PDSS2: variants seen among roughly 807,000 people sequenced by gnomAD.
PDSS2 encodes the protein all trans-polyprenyl-diphosphate synthase PDSS2.
In PDSS2, 31 loss-of-function variants were observed where a neutral mutation model predicts 44.5. That is an observed-to-expected ratio of 0.70 (90% CI 0.52 to 0.94). The LOEUF (loss-of-function observed/expected upper bound fraction) is 0.94. Ranked by LOEUF, PDSS2 falls within the 40% of genes least tolerant of loss-of-function variation. The probability of loss-of-function intolerance (pLI) is 0.00; values close to 1 mark genes in which losing one functional copy is unlikely to be tolerated. For missense variants in PDSS2, 452 were observed against 482.2 expected (o/e 0.94, Z 0.59); for synonymous variants, 157 against 180.3 (o/e 0.87, Z 1.03).
chr6:107,396,999 T>C (rs567176275), intron 1 of PDSS2, among the ~76,000 whole-genome samples: 4 of 152,076 alleles, frequency 2.6e-5, no homozygotes, highest in Non-Finnish European at 5.9e-5. Flanking sequence ...TCCTTTGCCC[T>C]CTCCTCTGTT....
At chr6:107,454,053 T>TC (rs1211580462) in intron 1 of PDSS2, among the ~76,000 whole-genome samples, 1 of 151,344 alleles carries the variant, frequency 6.6e-6, no homozygotes, top group Non-Finnish European at 1.5e-5. Flanking sequence ...ACTTCTTTTT[T>TC]TTTTTTTTTT....
chr6:107,248,484 A>C (rs1261481662), intron 3 of PDSS2, among the ~76,000 whole-genome samples: 1 of 147,644 alleles, frequency 6.8e-6, no homozygotes, highest in Non-Finnish European at 1.5e-5. Context: ...AATGTGAGTT[A>C]CCCTTGGAAG....
At chr6:107,194,224 ACTT>A (rs1772478279) in intron 6 of PDSS2, among the ~76,000 whole-genome samples, 1 of 152,164 alleles carries the variant, frequency 6.6e-6, no homozygotes. Context: ...CTATATTCAA[ACTT>A]CTTCAACTGT....
intron 4 of PDSS2, among the ~76,000 whole-genome samples, chr6:107,219,078 TA>T (rs949658821): frequency 4.3e-4 from 65 of 151,076 alleles, no homozygotes; most frequent in Admixed American, 1.7e-3. Flanking sequence ...AAAAATTAAT[TA>T]AAAAAAAATT....
intron 1 of PDSS2, among the ~76,000 whole-genome samples, chr6:107,437,525 CAAAAAAAAAAAAA>C (rs60133518): frequency 2.4e-5 from 3 of 126,718 alleles, no homozygotes; most frequent in South Asian, 3.0e-4. Context: ...ACCCTGTCTC[CAAAAAAAAAAAAA>C]AAAAAAAAAA....
At chr6:107,359,440 T>A (rs1031097385) in intron 1 of PDSS2, among the ~76,000 whole-genome samples, 10 of 151,502 alleles carry the variant, frequency 6.6e-5, no homozygotes, top group African/African-American at 2.4e-4. Flanking sequence ...CTTGCCAACA[T>A]GGTGAAACCC....
chr6:107,443,692 C>G (rs2114817509), intron 1 of PDSS2, among the ~76,000 whole-genome samples: 1 of 152,288 alleles, frequency 6.6e-6, no homozygotes, highest in Non-Finnish European at 1.5e-5. Context: ...ACAATTTTTC[C>G]TAGACTTTGC....
rs572960785 is a variant in PDSS2 at position 107,259,389 on chromosome 6, G to A, written c.631-13770C>T. On this transcript the variant is annotated intron_variant, in intron 3 of 7. Coordinates refer to ENST00000369037, the MANE Select transcript of PDSS2 (RefSeq NM_020381.4). ...AACAAAAGAAAAAATGAGGCCAGGC[G>A]TGGTGGCTCACATCAGAAATCCCAG... 6.6e-4 allele frequency among the ~76,000 whole-genome samples: 101 copies of A among 152,224 alleles called. 1 individual carries two copies. The highest frequency in any genetic ancestry group is 5.0e-3 in the Admixed American group (77 of 15,280).
At chr6:107,439,373 T>G (rs879655434) in intron 1 of PDSS2, among the ~76,000 whole-genome samples, 3 of 152,224 alleles carry the variant, frequency 2.0e-5, no homozygotes, top group Non-Finnish European at 2.9e-5. Flanking sequence ...ATTGGATGCA[T>G]TTAACTCTAA....
intron 2 of PDSS2, among the ~76,000 whole-genome samples, chr6:107,306,385 A>G (rs1207672737): frequency 6.6e-6 from 1 of 152,174 alleles, no homozygotes; most frequent in Non-Finnish European, 1.5e-5. Context: ...GCTGCCATCA[A>G]TGTAAGATGT....
chr6:107,248,116 T>C (rs1429801565), intron 3 of PDSS2, among the ~76,000 whole-genome samples: 2 of 152,184 alleles, frequency 1.3e-5, no homozygotes, highest in East Asian at 3.9e-4. Context: ...ACTCACAATT[T>C]AGTAAGCTCA....
intron 1 of PDSS2, among the ~76,000 whole-genome samples, chr6:107,352,863 C>T (rs879467000): frequency 1.3e-5 from 2 of 152,090 alleles, no homozygotes; most frequent in Non-Finnish European, 2.9e-5. Context: ...CCTGATAGGC[C>T]TCCCCCTCCC....
chr6:107,261,141 C>T (rs1354099423), intron 3 of PDSS2, among the ~76,000 whole-genome samples: 1 of 152,202 alleles, frequency 6.6e-6, no homozygotes, highest in Non-Finnish European at 1.5e-5. Flanking sequence ...TTCCTGCCTT[C>T]GCATCTGCAG....
At chr6:107,365,701 T>A (rs1778940018) in intron 1 of PDSS2, among the ~76,000 whole-genome samples, 1 of 152,094 alleles carries the variant, frequency 6.6e-6, no homozygotes, top group South Asian at 2.1e-4. Context: ...ATGCAAACAG[T>A]CACCACAATA....
At chr6:107,427,301 C>G (rs1460740463) in intron 1 of PDSS2, among the ~76,000 whole-genome samples, 1 of 152,172 alleles carries the variant, frequency 6.6e-6, no homozygotes, top group Non-Finnish European at 1.5e-5. Flanking sequence ...GTGACTTGCT[C>G]CTCCCTGCCT....
At chr6:107,263,384 C>A (rs1775310027) in intron 3 of PDSS2, among the ~76,000 whole-genome samples, 1 of 150,772 alleles carries the variant, frequency 6.6e-6, no homozygotes, top group Admixed American at 6.6e-5. Flanking sequence ...GCCCAGGGGG[C>A]AGAGTTTGCA....
chr6:107,416,926 G>C lies in PDSS2; in HGVS notation c.296+42064C>G, dbSNP rs557051693. On this transcript the variant is annotated intron_variant, in intron 1 of 7. Transcript: ENST00000369037. Reference sequence around the variant, plus strand: ...TGTCAACATGTAAATTTAAAAATTGGATTTCAAAAAGCACTTATCTGGGCG... The same window carrying C: ...TGTCAACATGTAAATTTAAAAATTGCATTTCAAAAAGCACTTATCTGGGCG... Among the ~76,000 whole-genome samples the C allele has an allele frequency of 9.5e-4, 145 of 152,036 alleles. 3 individuals are homozygous for C. The South Asian group carries it at 0.026, about 27-fold the overall frequency.
At chr6:107,236,036 T>A (rs1255799316) in intron 4 of PDSS2, among the ~76,000 whole-genome samples, 3 of 151,872 alleles carry the variant, frequency 2.0e-5, no homozygotes, top group Non-Finnish European at 4.4e-5. Context: ...GAAATAATAA[T>A]CTTTTCCCCG....
intron 1 of PDSS2, among the ~76,000 whole-genome samples, chr6:107,389,271 G>A (rs1285155237): frequency 6.6e-6 from 1 of 152,136 alleles, no homozygotes; most frequent in Non-Finnish European, 1.5e-5. Context: ...AGGATGGAAT[G>A]TAGACTGTGA....
Sources: gnomAD v4.1 joint callset for allele counts (sites outside exome capture counted in the v4.1 genomes callset) on GRCh38, gnomAD v4.1.1 for gene constraint, MANE v1.5 for transcripts, NCBI Gene and HGNC (gene_info 2026-07-23, HGNC 2026-07-21) for gene names.